The following CCDC88A variants were observed in gnomAD, a reference collection of about 807,000 sequenced individuals.
The protein encoded by CCDC88A is coiled-coil and HOOK domain protein 88A.
A neutral mutation model predicts 234.3 loss-of-function variants in CCDC88A; 54 were observed. The observed-to-expected ratio is 0.23, with a 90% CI of 0.19 to 0.29. The LOEUF (loss-of-function observed/expected upper bound fraction) is 0.29, where lower values mean the gene tolerates loss of function less well. CCDC88A is among the 10% of genes least tolerant of loss of function. CCDC88A has a pLI of 1.00. For missense variants in CCDC88A, 1,832 were observed against 2,123.4 expected (o/e 0.86, Z 2.70); for synonymous variants, 753 against 737.8 (o/e 1.02, Z -0.33).
chr2:55,412,996 G>A (rs1208095269), intron 2 of CCDC88A, among the ~76,000 whole-genome samples: 2 of 152,054 alleles, frequency 1.3e-5, no homozygotes, highest in Non-Finnish European at 2.9e-5. Flanking sequence ...TTGAACCCAG[G>A]AATTCAAGAC....
intron 12 of CCDC88A, 128 bp from the exon 13 acceptor site, chr2:55,339,776 A>G (rs1668250055): frequency 1.6e-6 from 1 of 639,564 alleles, no homozygotes; most frequent in Non-Finnish European, 2.5e-6. Context: ...TAAAAATTCA[A>G]TGAGGTTATA....
intron 2 of CCDC88A, among the ~76,000 whole-genome samples, chr2:55,400,807 G>A (rs1678484837): frequency 1.3e-5 from 2 of 152,154 alleles, no homozygotes; most frequent in African/African-American, 2.4e-5. Context: ...GTGCTTAACT[G>A]ATGGTGGTTT....
chr2:55,299,510 T>C (rs1241783718), intron 29 of CCDC88A, among the ~76,000 whole-genome samples: 1 of 152,140 alleles, frequency 6.6e-6, no homozygotes, highest in East Asian at 1.9e-4. Context: ...CCATGCGTCA[T>C]AAGAAAATGA....
chr2:55,295,949 C>G lies in CCDC88A; in HGVS notation c.5199G>C (p.Arg1733Ser), dbSNP rs537426993. 1 of 1,614,106 alleles carries G rather than the reference C, an allele frequency of 6.2e-7. No homozygotes were observed. Among genetic ancestry groups the G allele is most frequent in the Admixed American group, 1.7e-5 (1 of 60,006 alleles). ...KDKPVSCGLA[R>S]SVSGKTPGDF... ...CCCCTGGGGTTTTTCCACTTACTGA[C>G]CTGGCCAGACCACAGCTAACTGGTT... is the stretch of plus-strand genomic sequence containing the variant. Residue 1733 changes from arginine to serine, a missense_variant, in exon 31 of 33, where the codon AGG (arginine) becomes AGC (serine). This residue lies in a region of CCDC88A where 422 missense variants were observed against 416.5 expected (regional missense o/e 1.01). Transcript: ENST00000436346.
At chr2:55,349,311 CAG>C in intron 9 of CCDC88A, 1 of 515,094 alleles carries the variant, frequency 1.9e-6, no homozygotes, top group Non-Finnish European at 3.4e-6. Context: ...TGAATCTTAG[CAG>C]AGTTTGAACA....
In CCDC88A at chr2:55,377,032, C is replaced by T. The variant is rs11676694; in HGVS notation, c.274-2149G>A. 8.6e-5 allele frequency among the ~76,000 whole-genome samples: 13 copies of T among 152,020 alleles called. 1 individual carries two copies. The highest frequency in any genetic ancestry group is 3.1e-4 in the African/African-American group (13 of 41,490). ...TATTTTTAGTAGAGACAGGGTTTCA[C>T]CATCTTGGCCAGGCTGGTCTTGAAG... On this transcript the variant is annotated intron_variant, in intron 3 of 32. Transcript: ENST00000436346.
intron 8 of CCDC88A, among the ~76,000 whole-genome samples, chr2:55,354,072 T>C (rs1179936802): frequency 6.6e-6 from 1 of 152,206 alleles, no homozygotes; most frequent in Non-Finnish European, 1.5e-5. Context: ...GGTTAAGTAT[T>C]TGTGTTTTTA....
At chr2:55,299,760 C>A in intron 29 of CCDC88A, 79 bp downstream of exon 29, 1 of 888,530 alleles carries the variant, frequency 1.1e-6, no homozygotes. Flanking sequence ...CATGCTTTAC[C>A]CCAGAAACTT....
chr2:55,300,191 T>G, intron 28 of CCDC88A: 1 of 358,710 alleles, frequency 2.8e-6, no homozygotes, highest in Non-Finnish European at 5.3e-6. Flanking sequence ...AGGAGTGTTT[T>G]AGTTAAATAG....
At chr2:55,379,001 C>A (rs998988492) in intron 3 of CCDC88A, among the ~76,000 whole-genome samples, 2 of 152,164 alleles carry the variant, frequency 1.3e-5, no homozygotes, top group Non-Finnish European at 2.9e-5. Context: ...TCACCTTGGT[C>A]TCCCAAAGTG....
At chr2:55,353,263 C>T (rs1053509326) in intron 8 of CCDC88A, among the ~76,000 whole-genome samples, 10 of 152,194 alleles carry the variant, frequency 6.6e-5, no homozygotes, top group East Asian at 3.9e-4. Flanking sequence ...GCCATCATTA[C>T]GGTTCTAATT....
chr2:55,369,219 G>C (rs1158975683), intron 5 of CCDC88A, among the ~76,000 whole-genome samples: 3 of 151,994 alleles, frequency 2.0e-5, no homozygotes, highest in Non-Finnish European at 4.4e-5. Flanking sequence ...ATTTTTAGTA[G>C]AGACAGGGTT....
At position 55,305,834 on chromosome 2, in the gene CCDC88A, T is replaced by C. The variant is rs145955845; in HGVS notation, c.4388-2682A>G. Among the ~76,000 whole-genome samples, 482 of 152,020 alleles carry C rather than the reference T, an allele frequency of 3.2e-3. 1 individual carries two copies. Among genetic ancestry groups the C allele is most frequent in the African/African-American group, 0.011 (450 of 41,354 alleles). ...TATCATTACACCACTGCGCTCCAGC[T>C]TGGGCAACAGAGTAAGACTCCATCT... is the stretch of plus-strand genomic sequence containing the variant. On this transcript the variant is annotated intron_variant, in intron 25 of 32. Transcript: ENST00000436346.
intron 2 of CCDC88A, among the ~76,000 whole-genome samples, chr2:55,401,465 TACA>T (rs1558826343): frequency 1.6e-4 from 5 of 32,208 alleles, no homozygotes; most frequent in East Asian, 7.3e-4. Context: ...TATATATATA[TACA>T]TATGTGTGTG....
At chr2:55,310,273 A>T (rs1574050811) in intron 23 of CCDC88A, among the ~76,000 whole-genome samples, 1 of 152,184 alleles carries the variant, frequency 6.6e-6, no homozygotes, top group Non-Finnish European at 1.5e-5. Flanking sequence ...ATGATGGAAT[A>T]GGATATATCG....
In CCDC88A at chr2:55,309,105, GA is replaced by G. The variant is rs1342610594; in HGVS notation, c.4172+56del. The G allele has an allele frequency of 3.5e-6, 5 of 1,434,194 alleles. No homozygotes were observed. The highest frequency in any genetic ancestry group is 4.6e-5 in the East Asian group (2 of 43,570). 88.8% of individuals were successfully genotyped at this position (1,434,194 alleles called of 1,614,324 possible). On this transcript the variant is annotated intron_variant, in intron 24 of 32. Coordinates refer to ENST00000436346, the MANE Select transcript of CCDC88A (RefSeq NM_001365480.1). This position sits in a 1 kb window ranked among gnomAD's most constrained non-coding sequence, Gnocchi z 5.1. ...AAAAGTAGAAGTCATCACAATATTA[GA>G]AATAACCTAGTGTTTTTTTTCAGAA...
At chr2:55,408,560 C>A (rs943250102) in intron 2 of CCDC88A, among the ~76,000 whole-genome samples, 4 of 152,106 alleles carry the variant, frequency 2.6e-5, no homozygotes, top group African/African-American at 9.7e-5. Context: ...TACACTCCTA[C>A]CAGTGCCATG....
chr2:55,297,383 A>ATATATATAATATATAAATTTATATAT (rs1288913674), intron 29 of CCDC88A, among the ~76,000 whole-genome samples: 6 of 110,694 alleles, frequency 5.4e-5, no homozygotes, highest in African/African-American at 2.2e-4. Context: ...TTATATATAA[A>ATATATATAATATATAAATTTATATAT]TATATATTAT....
chr2:55,393,683 TA>T (rs575136495), intron 2 of CCDC88A, among the ~76,000 whole-genome samples: 2 of 151,406 alleles, frequency 1.3e-5, no homozygotes, highest in African/African-American at 4.9e-5. Context: ...TTTTCTAGGT[TA>T]AAAAAAAATC....
Sources: gnomAD v4.1 joint callset for allele counts (sites outside exome capture counted in the v4.1 genomes callset) on GRCh38, gnomAD v4.1.1 for gene constraint, gnomAD v4.1.1 regional missense constraint, Gnocchi (gnomAD v3.1) non-coding constraint, MANE v1.5 for transcripts, NCBI Gene and HGNC (gene_info 2026-07-23, HGNC 2026-07-21) for gene names.